Variants in MARCHF1 observed in about 807,000 individuals in gnomAD.
MARCHF1 encodes E3 ubiquitin-protein ligase MARCHF1.
MARCHF1 carries 40 observed loss-of-function variants against 54.2 expected under a neutral mutation model. That is an observed-to-expected ratio of 0.74 (90% confidence interval 0.57 to 0.96). The LOEUF (loss-of-function observed/expected upper bound fraction) is 0.96. Ranked by LOEUF, MARCHF1 falls within the 40% of genes least tolerant of loss-of-function variation. The pLI is 0.00. For missense variants in MARCHF1, 586 were observed against 656.5 expected, an observed-to-expected ratio of 0.89 and a Z score of 1.17; for synonymous variants, 236 against 236.3, an observed-to-expected ratio of 1.00 and a Z score of 0.01.
intron 1 of MARCHF1, chr4:164,197,033 C>T (rs1345711593): frequency 6.2e-7 from 1 of 1,605,592 alleles, no homozygotes; most frequent in Non-Finnish European, 8.5e-7. Flanking sequence ...CCCCTTTCTT[C>T]TTCACCAAGC....
At chr4:163,532,538 C>T (rs1391882588) in intron 9 of MARCHF1, among the ~76,000 whole-genome samples, 1 of 151,720 alleles carries the variant, frequency 6.6e-6, no homozygotes, top group Non-Finnish European at 1.5e-5. Flanking sequence ...AAAAATGGAT[C>T]AATTGGACTT....
Position 163,528,511 on chromosome 4 carries a change from C to A in MARCHF1, c.*237G>T. On this transcript the variant is annotated 3_prime_UTR_variant, in exon 10 of 10. Coordinates refer to ENST00000514618, the MANE Select transcript of MARCHF1 (RefSeq NM_001394959.1). ...GTTCTTAATTGTCTTGGAAATCATT[C>A]TCTTGCAAACTTCACATTTCCATAT... 2.2e-6 allele frequency: 1 copy of A among 464,590 alleles called. No individual in the cohort carries two copies. The highest frequency in any genetic ancestry group is 3.5e-5 in the East Asian group (1 of 28,912). The allele number at this position is 464,590 out of a possible 1,614,324, so 28.8% of individuals were successfully genotyped here.
chr4:164,173,663 A>G (rs1730586149), intron 1 of MARCHF1, among the ~76,000 whole-genome samples: 1 of 152,146 alleles, frequency 6.6e-6, no homozygotes, highest in Admixed American at 6.5e-5. Context: ...GGTTGTTTAA[A>G]TGAACCTTGC....
intron 1 of MARCHF1, among the ~76,000 whole-genome samples, chr4:164,381,857 C>T (rs1019299220): frequency 9.2e-5 from 14 of 152,064 alleles, no homozygotes; most frequent in Non-Finnish European, 1.5e-4. Flanking sequence ...GTTAGAAAGA[C>T]GACTTCAGAT....
At chr4:164,000,950 G>C (rs1229053643) in intron 2 of MARCHF1, among the ~76,000 whole-genome samples, 1 of 151,628 alleles carries the variant, frequency 6.6e-6, no homozygotes, top group Non-Finnish European at 1.5e-5. Flanking sequence ...TAGTCATTAA[G>C]AAGGGCTGCA....
intron 3 of MARCHF1, among the ~76,000 whole-genome samples, chr4:163,966,178 T>A (rs1238688265): frequency 2.0e-5 from 3 of 152,178 alleles, no homozygotes; most frequent in African/African-American, 7.2e-5. Context: ...ATAAGCAATC[T>A]TACCATTTAT....
At chr4:163,704,612 G>A (rs1477021653) in intron 4 of MARCHF1, among the ~76,000 whole-genome samples, 3 of 150,778 alleles carry the variant, frequency 2.0e-5, no homozygotes, top group East Asian at 1.9e-4. Flanking sequence ...AGTCTTAATC[G>A]CCTGACAATT....
chr4:164,142,339 C>T (rs1308084772), intron 1 of MARCHF1, among the ~76,000 whole-genome samples: 4 of 152,144 alleles, frequency 2.6e-5, no homozygotes, highest in African/African-American at 4.8e-5. Flanking sequence ...GGAGGCCTGC[C>T]TGCCTCTGTA....
chr4:163,815,852 A>G (rs1219267449), intron 4 of MARCHF1, among the ~76,000 whole-genome samples: 1 of 152,216 alleles, frequency 6.6e-6, no homozygotes, highest in Non-Finnish European at 1.5e-5. Flanking sequence ...AGAAACAGGG[A>G]AATGAACCAA....
intron 1 of MARCHF1, among the ~76,000 whole-genome samples, chr4:164,364,877 T>C (rs1009121229): frequency 1.3e-5 from 2 of 152,028 alleles, no homozygotes; most frequent in African/African-American, 4.8e-5. Flanking sequence ...ATCTGATCTA[T>C]TCATCTTTTC....
chr4:163,734,622 C>G (rs1321721010), intron 4 of MARCHF1, among the ~76,000 whole-genome samples: 1 of 151,246 alleles, frequency 6.6e-6, no homozygotes, highest in Non-Finnish European at 1.5e-5. Flanking sequence ...CTAGAACAGT[C>G]AAACTAATCT....
At chr4:163,685,701 G>C (rs1744247694) in intron 5 of MARCHF1, among the ~76,000 whole-genome samples, 1 of 152,134 alleles carries the variant, frequency 6.6e-6, no homozygotes, top group African/African-American at 2.4e-5. Flanking sequence ...TGATCCACCT[G>C]CCTCAGCCTC....
chr4:164,255,381 C>A (rs1579664633), intron 1 of MARCHF1, among the ~76,000 whole-genome samples: 9 of 77,780 alleles, frequency 1.2e-4, no homozygotes, highest in African/African-American at 1.7e-4. Context: ...AATGAAAAGG[C>A]AAGAAAGATA....
chr4:163,895,474 C>A (rs1750785537), intron 3 of MARCHF1, among the ~76,000 whole-genome samples: 1 of 152,166 alleles, frequency 6.6e-6, no homozygotes, highest in Admixed American at 6.5e-5. Context: ...AACCGCAAAT[C>A]ACACTCTGCC....
chr4:163,792,801 A>C (rs1023844727), intron 4 of MARCHF1, among the ~76,000 whole-genome samples: 3 of 152,208 alleles, frequency 2.0e-5, no homozygotes, highest in Non-Finnish European at 2.9e-5. Context: ...GTTTTAAGGG[A>C]AAGTTAGACT....
chr4:164,124,323 TTGG>T (rs1223650727), intron 1 of MARCHF1, among the ~76,000 whole-genome samples: 1 of 152,140 alleles, frequency 6.6e-6, no homozygotes, highest in Non-Finnish European at 1.5e-5. Flanking sequence ...TGGCACACTG[TTGG>T]TGGGAATGTA....
chr4:164,035,787 T>C, intron 2 of MARCHF1, among the ~76,000 whole-genome samples: 1 of 151,568 alleles, frequency 6.6e-6, no homozygotes, highest in Non-Finnish European at 1.5e-5. Context: ...CAGATCTAAT[T>C]AATAGTATTT....
At chr4:163,958,226 A>G (rs1384857629) in intron 3 of MARCHF1, among the ~76,000 whole-genome samples, 1 of 146,360 alleles carries the variant, frequency 6.8e-6, no homozygotes, top group East Asian at 2.0e-4. Flanking sequence ...GCTTTCCCAA[A>G]TGACTTTCAA....
intron 2 of MARCHF1, among the ~76,000 whole-genome samples, chr4:164,070,565 A>T (rs1047574637): frequency 6.6e-6 from 1 of 151,854 alleles, no homozygotes; most frequent in African/African-American, 2.4e-5. Context: ...CAGCTGTCCC[A>T]CCATCACATC....
Sources: allele counts gnomAD v4.1 joint callset (sites outside exome capture counted in the v4.1 genomes callset), GRCh38; gene constraint gnomAD v4.1.1; transcripts MANE v1.5; gene names NCBI Gene and HGNC (gene_info 2026-07-23, HGNC 2026-07-21).